Variants in LRGUK observed in about 807,000 individuals in gnomAD.
LRGUK encodes leucine rich repeats and guanylate kinase domain containing, also known as leucine-rich repeat and guanylate kinase domain-containing protein.
In LRGUK, 65 loss-of-function variants were observed where a neutral mutation model predicts 76.0. The ratio of observed to expected loss-of-function variants is 0.85; its 90% confidence interval spans 0.70 to 1.05. The LOEUF (loss-of-function observed/expected upper bound fraction) is 1.05, where lower values mean the gene tolerates loss of function less well. Among genes scored for constraint, LRGUK ranks in the 50% least tolerant of loss-of-function variants. LRGUK has a pLI of 0.00. For missense variants in LRGUK, 758 were observed against 732.8 expected (o/e 1.03, Z -0.40); for synonymous variants, 268 against 265.6 (o/e 1.01, Z -0.09).
exon 6 of LRGUK, chr7:134,158,134 A>G: frequency 6.2e-7 from 1 of 1,612,944 alleles, no homozygotes; most frequent in South Asian, 1.1e-5. Context: ...GGCTTAAACA[A>G]GTTACCAATC....
At chr7:134,205,910 T>C (rs893503077) in intron 15 of LRGUK, among the ~76,000 whole-genome samples, 3 of 152,248 alleles carry the variant, frequency 2.0e-5, no homozygotes, top group African/African-American at 7.2e-5. Flanking sequence ...CCTGTATCAA[T>C]GCAAACAGAA....
chr7:134,227,552 A>G (rs576301408), intron 16 of LRGUK, among the ~76,000 whole-genome samples: 27 of 152,298 alleles, frequency 1.8e-4, no homozygotes, highest in Admixed American at 9.8e-4. Flanking sequence ...CCCAGATGAT[A>G]GGAAACAGGC....
At chr7:134,161,554 T>C (rs1234954761) in intron 6 of LRGUK, among the ~76,000 whole-genome samples, 1 of 152,126 alleles carries the variant, frequency 6.6e-6, no homozygotes, top group East Asian at 1.9e-4. Context: ...ATAATTATAT[T>C]AATGAACACA....
chr7:134,258,241 T>G lies in LRGUK; in HGVS notation c.2199-16T>G. ...GTTTGGATCTCAAAAAGATCTTTGG[T>G]TTTTCATTTTTTCAGTGGGAAGGAT... On this transcript the variant is annotated splice_polypyrimidine_tract_variant and intron_variant, in intron 18 of 19. Transcript: ENST00000285928. 6.2e-7 allele frequency: 1 copy of G among 1,613,536 alleles called. No individual in the cohort carries two copies. Among genetic ancestry groups the G allele is most frequent in the Non-Finnish European group, 8.5e-7 (1 of 1,179,672 alleles).
chr7:134,187,358 C>T (rs1430932234), intron 11 of LRGUK, among the ~76,000 whole-genome samples: 1 of 152,138 alleles, frequency 6.6e-6, no homozygotes, highest in African/African-American at 2.4e-5. Context: ...TTTACAAAGG[C>T]ACTTGCTCCA....
intron 1 of LRGUK, among the ~76,000 whole-genome samples, chr7:134,131,826 A>C (rs1187760232): frequency 6.6e-6 from 1 of 152,166 alleles, no homozygotes; most frequent in Non-Finnish European, 1.5e-5. Flanking sequence ...ACTGGAAATC[A>C]GGGGAGAGAT....
At chr7:134,202,318 TA>T (rs11354724) in intron 15 of LRGUK, among the ~76,000 whole-genome samples, 26,330 of 148,756 alleles carry the variant, frequency 0.18, 3,232 homozygotes, top group East Asian at 0.49. Flanking sequence ...AAAACAAAAT[TA>T]AAAAAAAAAA....
rs1563129513 is a variant in LRGUK, at chr7:134,127,588, CG to C, written c.223del (p.Asp75ThrfsTer22). The stretch of plus-strand genomic sequence containing the variant: ...ATGCACCGCTATCAGGAGCTGGACT[CG>C]GACGGAGATGAGGACCAGGGCGAGG... On this transcript the variant is annotated frameshift_variant, in exon 1 of 16. Coordinates refer to ENST00000645682, the Ensembl canonical transcript of LRGUK. LOFTEE classifies it high-confidence loss of function. 1 of 1,614,074 alleles carries C rather than the reference CG, an allele frequency of 6.2e-7. No individual in the cohort carries two copies. The highest frequency in any genetic ancestry group is 2.2e-5 in the East Asian group (1 of 44,892).
chr7:134,161,279 GTTAAA>G (rs1163688512), intron 6 of LRGUK, among the ~76,000 whole-genome samples: 4 of 152,084 alleles, frequency 2.6e-5, no homozygotes, highest in African/African-American at 9.7e-5. Context: ...ATTGCAGTAT[GTTAAA>G]TTAATATGGA....
At chr7:134,260,492 C>T (rs1901213) in intron 19 of LRGUK, among the ~76,000 whole-genome samples, 11,551 of 152,150 alleles carry the variant, frequency 0.076, 1,068 homozygotes, top group African/African-American at 0.21. Flanking sequence ...ACTAGCTCAG[C>T]GCTGCAGAGG....
At position 134,160,348 on chromosome 7, in the gene LRGUK, A is replaced by G. The variant is rs150642538; in HGVS notation, c.795+2189A>G. 8.5e-5 allele frequency among the ~76,000 whole-genome samples: 13 copies of G among 152,296 alleles called. 1 individual carries two copies. Among genetic ancestry groups the G allele is most frequent in the African/African-American group, 3.1e-4 (13 of 41,558 alleles). On this transcript the variant is annotated intron_variant, in intron 6 of 15. Coordinates refer to ENST00000645682, the Ensembl canonical transcript of LRGUK. ...TCTTAGATTTGGTGGATTGTTCCCA[A>G]TCTCTGCCCTCATCACCCAAGATCA...
exon 20 of LRGUK, chr7:134,264,138 T>C (rs1245018065): frequency 1.7e-6 from 1 of 593,280 alleles, no homozygotes; most frequent in East Asian, 3.5e-5. Flanking sequence ...CTTGTGATTC[T>C]TTGGCTGGTG....
At chr7:134,267,619 T>A (rs1471333244), downstream of LRGUK, among the ~76,000 whole-genome samples, 1 of 152,202 alleles carries the variant, frequency 6.6e-6, no homozygotes, top group African/African-American at 2.4e-5. Context: ...TTTGCTTGGC[T>A]CTCATTCTGT....
chr7:134,190,315 T>C (rs1290071052), intron 11 of LRGUK, among the ~76,000 whole-genome samples: 1 of 152,190 alleles, frequency 6.6e-6, no homozygotes, highest in Non-Finnish European at 1.5e-5. Context: ...CAAGTGAGCC[T>C]CACACCTCAA....
At chr7:134,163,531 G>A in exon 7 of LRGUK, 2 of 1,611,426 alleles carry the variant, frequency 1.2e-6, no homozygotes, top group Non-Finnish European at 1.7e-6. Context: ...TCAACCTGGA[G>A]GATAATAAGG....
At chr7:134,196,296 C>T (rs1465032903) in intron 12 of LRGUK, among the ~76,000 whole-genome samples, 1 of 150,632 alleles carries the variant, frequency 6.6e-6, no homozygotes, top group Non-Finnish European at 1.5e-5. Flanking sequence ...TTTTACTTGC[C>T]CCACCCCTCC....
the LRGUK span, among the ~76,000 whole-genome samples, chr7:134,275,505 A>G: frequency 3.3e-5 from 5 of 152,166 alleles, no homozygotes; most frequent in Admixed American, 6.6e-5. Context: ...GCTATTCCCA[A>G]GATATATATG....
chr7:134,262,583 C>G (rs1220184447), intron 19 of LRGUK, among the ~76,000 whole-genome samples: 2 of 152,096 alleles, frequency 1.3e-5, no homozygotes, highest in Admixed American at 1.3e-4. Context: ...AAAAAGGAGG[C>G]CTACTCCTCT....
At chr7:134,246,855 T>C (rs1802314859) in intron 16 of LRGUK, among the ~76,000 whole-genome samples, 1 of 152,244 alleles carries the variant, frequency 6.6e-6, no homozygotes, top group African/African-American at 2.4e-5. Flanking sequence ...ATGTATTAGG[T>C]TTGCTTTAAG....
Sources: allele counts gnomAD v4.1 joint callset (sites outside exome capture counted in the v4.1 genomes callset), GRCh38; gene constraint gnomAD v4.1.1; transcripts MANE v1.5; gene names NCBI Gene and HGNC (gene_info 2026-07-23, HGNC 2026-07-21).